KLF12: variants seen among roughly 807,000 people sequenced by gnomAD.
The protein encoded by KLF12 is KLF transcription factor 12.
A neutral mutation model predicts 37.8 loss-of-function variants in KLF12; 9 were observed. The observed-to-expected ratio is 0.24, with a 90% CI of 0.14 to 0.42. KLF12 has a LOEUF of 0.42. Among genes scored for constraint, KLF12 ranks in the 10% least tolerant of loss-of-function variants. The pLI is 1.00. For synonymous variants in KLF12, 208 were observed against 202.1 expected, an observed-to-expected ratio of 1.03 and a Z score of -0.25; for missense variants, 411 against 516.0, an observed-to-expected ratio of 0.80 and a Z score of 1.97.
chr13:74,057,242 G>A (rs938544891), intron 1 of KLF12, among the ~76,000 whole-genome samples: 1 of 152,182 alleles, frequency 6.6e-6, no homozygotes, highest in East Asian at 1.9e-4. Context: ...AGAAAGGCAA[G>A]GGAAAAGGGC....
the KLF12 span, among the ~76,000 whole-genome samples, chr13:74,148,400 G>A: frequency 8.6e-6 from 1 of 115,824 alleles, no homozygotes; most frequent in Non-Finnish European, 1.7e-5. Context: ...TGCCAAAACT[G>A]CTCTTTTTTT....
chr13:73,855,250 C>A (rs1005755666), intron 3 of KLF12, among the ~76,000 whole-genome samples: 1 of 152,166 alleles, frequency 6.6e-6, no homozygotes, highest in African/African-American at 2.4e-5. Context: ...TTGCCTCCCA[C>A]CCCCAATAGT....
the KLF12 span, among the ~76,000 whole-genome samples, chr13:74,158,403 A>G: frequency 6.6e-5 from 10 of 152,176 alleles, no homozygotes; most frequent in Admixed American, 5.9e-4. Context: ...GTGTTAGAGA[A>G]GTGGGCAATT....
chr13:74,100,630 T>TA (rs925186214), intron 1 of KLF12, among the ~76,000 whole-genome samples: 6 of 151,738 alleles, frequency 4.0e-5, no homozygotes, highest in Non-Finnish European at 7.4e-5. Flanking sequence ...TATATATATA[T>TA]ATATGTATAA....
intron 6 of KLF12, among the ~76,000 whole-genome samples, chr13:73,719,645 G>A (rs866709421): frequency 6.7e-6 from 1 of 149,810 alleles, no homozygotes; most frequent in Non-Finnish European, 1.5e-5. Flanking sequence ...CTGTCATCTA[G>A]ACTGGTGGCC....
chr13:74,233,255 C>G, the KLF12 span, among the ~76,000 whole-genome samples: 1 of 151,998 alleles, frequency 6.6e-6, no homozygotes, highest in African/African-American at 2.4e-5. Context: ...GGGATGACAC[C>G]AGAACTTTTT....
intron 3 of KLF12, among the ~76,000 whole-genome samples, chr13:73,853,561 A>G (rs1395781190): frequency 6.6e-6 from 1 of 152,094 alleles, no homozygotes; most frequent in Non-Finnish European, 1.5e-5. Context: ...ACATGGTGAA[A>G]CCCTGTCTCT....
intron 2 of KLF12, among the ~76,000 whole-genome samples, chr13:73,959,975 C>A (rs1890969617): frequency 6.6e-6 from 1 of 152,076 alleles, no homozygotes; most frequent in African/African-American, 2.4e-5. Flanking sequence ...TGAAACCCTA[C>A]TAAACTCCCT....
At chr13:74,074,669 A>C (rs1283730517) in intron 1 of KLF12, among the ~76,000 whole-genome samples, 1 of 152,086 alleles carries the variant, frequency 6.6e-6, no homozygotes, top group Non-Finnish European at 1.5e-5. Flanking sequence ...GTACATGTGA[A>C]AGTTTGTTAT....
intron 6 of KLF12, among the ~76,000 whole-genome samples, chr13:73,761,134 G>T (rs980145972): frequency 7.3e-6 from 1 of 136,936 alleles, no homozygotes; most frequent in South Asian, 2.3e-4. Flanking sequence ...AAAAAGATCT[G>T]CCAAGAATAA....
chr13:73,883,613 C>G (rs1887083090), intron 3 of KLF12, among the ~76,000 whole-genome samples: 1 of 152,072 alleles, frequency 6.6e-6, no homozygotes, highest in South Asian at 2.1e-4. Context: ...TATTACATGT[C>G]TAATTATTTG....
At chr13:74,299,086 G>A in the KLF12 span, among the ~76,000 whole-genome samples, 1 of 152,226 alleles carries the variant, frequency 6.6e-6, no homozygotes, top group African/African-American at 2.4e-5. Context: ...CCATCTGCAG[G>A]AACACTGTTC....
At chr13:73,913,184 T>C (rs1593716179) in intron 3 of KLF12, among the ~76,000 whole-genome samples, 1 of 152,204 alleles carries the variant, frequency 6.6e-6, no homozygotes, top group Non-Finnish European at 1.5e-5. Context: ...GTTTGTTGCA[T>C]AGACTACTTT....
the KLF12 span, among the ~76,000 whole-genome samples, chr13:74,152,897 A>AATG: frequency 2.3e-4 from 14 of 60,132 alleles, no homozygotes; most frequent in African/African-American, 4.3e-4. Flanking sequence ...TAATAATAAT[A>AATG]ATAATAATAA....
intron 6 of KLF12, among the ~76,000 whole-genome samples, chr13:73,739,018 T>C (rs897394570): frequency 6.6e-6 from 1 of 152,158 alleles, no homozygotes; most frequent in Non-Finnish European, 1.5e-5. Flanking sequence ...GTGGATCACT[T>C]GAAGTCAGCA....
intron 4 of KLF12, among the ~76,000 whole-genome samples, chr13:73,828,705 A>G (rs1431210805): frequency 6.6e-6 from 1 of 152,124 alleles, no homozygotes; most frequent in African/African-American, 2.4e-5. Context: ...CAAGTTTCCT[A>G]TGCTTCCCTG....
In KLF12 at chr13:73,813,206, T is replaced by C. The variant is rs1384294936; in HGVS notation, c.752A>G (p.Asp251Gly). The C allele has an allele frequency of 1.2e-6, 2 of 1,613,972 alleles. No homozygotes were observed. The highest frequency in any genetic ancestry group is 3.3e-5 in the Admixed American group (2 of 59,988). ...CGTAGATCCAGTTTCATTAACGCTATCTAAGGTCACATTTGGCAGGTCATC... is the reference window on the plus strand; with the variant it reads ...CGTAGATCCAGTTTCATTAACGCTACCTAAGGTCACATTTGGCAGGTCATC... Residue 251 changes from aspartate to glycine, a missense_variant, in exon 5 of 8, where the codon GAT becomes GGT. By Grantham distance (94) the Asp-to-Gly change is moderately conservative. This residue lies in a region of KLF12 where 351 missense variants were observed against 397.8 expected (regional missense o/e 0.88). Coordinates refer to ENST00000377669, the MANE Select transcript of KLF12 (RefSeq NM_007249.5).
At chr13:74,256,087 G>A in the KLF12 span, among the ~76,000 whole-genome samples, 476 of 151,712 alleles carry the variant, frequency 3.1e-3, 3 homozygotes, top group African/African-American at 0.011. Flanking sequence ...CCCAGAAGGC[G>A]GAGCTTGCAG....
chr13:73,957,853 C>A (rs1382160657), intron 2 of KLF12, among the ~76,000 whole-genome samples: 2 of 152,024 alleles, frequency 1.3e-5, no homozygotes, highest in Non-Finnish European at 2.9e-5. Flanking sequence ...GAAGGGTGCT[C>A]TTTATAAAAA....
Sources: gnomAD v4.1 joint callset for allele counts (sites outside exome capture counted in the v4.1 genomes callset) on GRCh38, gnomAD v4.1.1 for gene constraint, gnomAD v4.1.1 regional missense constraint, MANE v1.5 for transcripts, NCBI Gene and HGNC (gene_info 2026-07-23, HGNC 2026-07-21) for gene names.